Variants in YRDC observed in about 807,000 individuals in gnomAD.
YRDC encodes yrdC N6-threonylcarbamoyltransferase domain containing, also known as threonylcarbamoyl-AMP synthase.
In YRDC, 17 loss-of-function variants were observed where a neutral mutation model predicts 21.5. The observed-to-expected ratio is 0.79, with a 90% CI of 0.54 to 1.19. YRDC has a LOEUF of 1.19. Ranked by LOEUF, YRDC falls within the 50% of genes most tolerant of loss-of-function variation. YRDC has a pLI of 0.00. For missense variants in YRDC, 380 were observed against 397.1 expected (o/e 0.96, Z 0.37); for synonymous variants, 193 against 176.7 (o/e 1.09, Z -0.73).
rs753679420 is a variant in YRDC, at chr1:37,807,823, CG to C, written c.357del (p.Val120TyrfsTer15). On this transcript the variant is annotated frameshift_variant, in exon 1 of 5. Transcript: ENST00000373044. LOFTEE classifies it high-confidence loss of function. ...LKGRSEAKPL[A>X]VCLGRVADVY... is the part of the protein sequence containing the mutation. ...ACGTCGGCCACGCGGCCGAGGCATA[CG>C]GCCAGAGGCTTGGCCTCGCTGCGAC... 3 of 1,509,886 alleles carry C rather than the reference CG, an allele frequency of 2.0e-6. No individual in the cohort carries two copies. The South Asian group carries it at 3.6e-5, about 18-fold the overall frequency. 93.5% of individuals were successfully genotyped at this position (1,509,886 alleles called of 1,614,324 possible).
intron 3 of YRDC, 70 bp from the exon 4 acceptor site, chr1:37,804,514 G>A: frequency 6.5e-7 from 1 of 1,535,988 alleles, no homozygotes; most frequent in Non-Finnish European, 8.8e-7. Context: ...ACTGCACGCA[G>A]TCATCAAAGG....
At chr1:37,805,165 CAGG>C (rs1646726572) in intron 3 of YRDC, among the ~76,000 whole-genome samples, 1 of 152,140 alleles carries the variant, frequency 6.6e-6, no homozygotes, top group African/African-American at 2.4e-5. Flanking sequence ...GAGGCTGAGG[CAGG>C]AGAACTGTTT....
intron 4 of YRDC, 51 bp downstream of exon 4, chr1:37,804,251 C>A: frequency 6.3e-7 from 1 of 1,575,264 alleles, no homozygotes; most frequent in South Asian, 1.1e-5. Context: ...TTTTTTGCAT[C>A]TCTCCAACCT....
intron 4 of YRDC, 144 bp from the exon 5 acceptor site, chr1:37,804,141 A>T: frequency 2.1e-6 from 3 of 1,431,336 alleles, no homozygotes; most frequent in Non-Finnish European, 2.9e-6. Flanking sequence ...AATCCTAAGA[A>T]AGCCAGGAAA....
In YRDC at chr1:37,803,103, T is replaced by C. The variant is rs1569821201; in HGVS notation, c.*822A>G. On this transcript the variant is annotated 3_prime_UTR_variant, in exon 5 of 5. Coordinates refer to ENST00000373044, the MANE Select transcript of YRDC (RefSeq NM_024640.4). The stretch of plus-strand genomic sequence containing the variant: ...AAGGTGTTATGGGTATAATTAACTA[T>C]AATTTATTTTATGAATAAATAAGAA... 2.0e-5 allele frequency: 3 copies of C among 152,244 alleles called. No homozygotes were observed. In the South Asian group the frequency reaches 6.2e-4, roughly 32 times the overall value. 9.4% of individuals were successfully genotyped at this position (152,244 alleles called of 1,614,324 possible).
At position 37,804,006 on chromosome 1, in the gene YRDC, G is replaced by A. The variant is rs1646718854; in HGVS notation, c.768-9C>T. 10 of 1,614,148 alleles carry A rather than the reference G, an allele frequency of 6.2e-6. No individual in the cohort carries two copies. Among genetic ancestry groups the A allele is most frequent in the Non-Finnish European group, 7.6e-6 (9 of 1,179,998 alleles). On this transcript the variant is annotated splice_polypyrimidine_tract_variant and intron_variant, in intron 4 of 4. Coordinates refer to ENST00000373044, the MANE Select transcript of YRDC (RefSeq NM_024640.4). ...TAGTACTTTCCAGGGCACTGAGGAG[G>A]AAACAGGACAGTTACCAGTCTGACT...
chr1:37,807,758 C>A, intron 1 of YRDC, 34 bp downstream of exon 1: 1 of 1,464,898 alleles, frequency 6.8e-7, no homozygotes, highest in Non-Finnish European at 9.0e-7. Context: ...CCCGCGGTGC[C>A]GCCCCTAGCG....
Position 37,804,362 on chromosome 1 carries a change from A to G in YRDC, c.707T>C (p.Leu236Pro). 2 of 1,614,208 alleles carry G rather than the reference A, an allele frequency of 1.2e-6. No individual in the cohort carries two copies. Among genetic ancestry groups the G allele is most frequent in the Non-Finnish European group, 1.7e-6 (2 of 1,180,020 alleles). ...IGDGQSPECRLGSTVVDLSVP... is the reference protein window; with the variant it reads ...IGDGQSPECRPGSTVVDLSVP... Reference sequence around the variant, plus strand: ...AGACAAATCAACCACAGTTGAGCCAAGGCGACACTCGGGGCTCTGGCCATC... The same window carrying G: ...AGACAAATCAACCACAGTTGAGCCAGGGCGACACTCGGGGCTCTGGCCATC... Residue 236 changes from leucine (L) to proline (P), a missense_variant, in exon 4 of 5, where the codon CTT becomes CCT. By Grantham distance (98) the Leu-to-Pro change is moderately conservative. Around this residue, in one of 3 missense-constraint regions of YRDC, gnomAD observed 238 missense variants for 236.5 expected, o/e 1.01. Coordinates refer to ENST00000373044, the MANE Select transcript of YRDC (RefSeq NM_024640.4).
rs1452640400 is a variant in YRDC, at chr1:37,807,852, T to G, written c.329A>C (p.Lys110Thr). 2.0e-6 allele frequency: 3 copies of G among 1,505,232 alleles called. No individual in the cohort carries two copies. The highest frequency in any genetic ancestry group is 2.7e-6 in the Non-Finnish European group (3 of 1,131,386). 93.2% of individuals were successfully genotyped at this position (1,505,232 alleles called of 1,614,324 possible). Residue 110 changes from lysine (K) to threonine (T), a missense_variant, in exon 1 of 5, where the codon AAG (lysine) becomes ACG (threonine). By Grantham distance (78) the Lys-to-Thr change is moderately conservative. Transcript: ENST00000373044. ...SAALRAVYRLKGRSEAKPLAV... is the reference protein window; with the variant it reads ...SAALRAVYRLTGRSEAKPLAV... ...CAGAGGCTTGGCCTCGCTGCGACCC[T>G]TGAGGCGGTACACAGCGCGCAGAGC...
chr1:37,804,417 A>G lies in YRDC; in HGVS notation c.652T>C (p.Ser218Pro). Residue 218 changes from serine to proline, a missense_variant, in exon 4 of 5, where the codon TCC becomes CCC. Coordinates refer to ENST00000373044, the MANE Select transcript of YRDC (RefSeq NM_024640.4). ...EEFQDLWPQL[S>P]LVIDGGQIGD... Reference sequence around the variant, plus strand: ...ATTTGTCCCCCATCAATAACCAAGGACAACTGAGGCCAGAGATCCTGGAAC... The same window carrying G: ...ATTTGTCCCCCATCAATAACCAAGGGCAACTGAGGCCAGAGATCCTGGAAC... 1 of 1,613,856 alleles carries G rather than the reference A, an allele frequency of 6.2e-7. No homozygotes were observed. The highest frequency in any genetic ancestry group is 8.5e-7 in the Non-Finnish European group (1 of 1,179,742).
Position 37,808,133 on chromosome 1 carries a change from G to A in YRDC, c.48C>T (p.Ala16=). 6.8e-7 allele frequency: 1 copy of A among 1,469,866 alleles called. No homozygotes were observed. The highest frequency in any genetic ancestry group is 8.9e-7 in the Non-Finnish European group (1 of 1,117,412). The allele number at this position is 1,469,866 out of a possible 1,614,324, so 91.1% of individuals were successfully genotyped here. A position where few individuals can be genotyped will look rare whatever the true frequency, so the allele number is the denominator to read the frequency against. ...CAGGCCCCTCGCTCAACCCCACGCT[G>A]GCAGCCACCGCGGCCCTCATCCCCC... ...RCRGMRAAVA[A]SVGLSEGPAG... The change falls in exon 1 of 5, where the codon GCC becomes GCT. Residue 16 remains alanine (A), a synonymous_variant. Coordinates refer to ENST00000373044, the MANE Select transcript of YRDC (RefSeq NM_024640.4).
chr1:37,806,325 C>G (rs180912264), intron 3 of YRDC, among the ~76,000 whole-genome samples: 5 of 152,234 alleles, frequency 3.3e-5, no homozygotes, highest in Non-Finnish European at 7.4e-5. Flanking sequence ...CTCAGCCTCC[C>G]AAGTAGCTGG....
At chr1:37,804,136 T>A (rs1302774333) in intron 4 of YRDC, 139 bp from the exon 5 acceptor site, 2 of 1,433,500 alleles carry the variant, frequency 1.4e-6, no homozygotes, top group East Asian at 4.6e-5. Context: ...TTTTGAATCC[T>A]AAGAAAGCCA....
At position 37,807,217 on chromosome 1, in the gene YRDC, T is replaced by C; in HGVS notation, c.390-2A>G. 2 of 1,613,470 alleles carry C rather than the reference T, an allele frequency of 1.2e-6. No homozygotes were observed. The highest frequency in any genetic ancestry group is 2.2e-5 in the South Asian group (2 of 91,062). The stretch of plus-strand genomic sequence containing the variant: ...TCAGGTACTCTCACACGGCAGTATC[T>C]GGGAAACACAGAAGAATAAATCCAT... On this transcript the variant is annotated splice_acceptor_variant, in intron 1 of 4. Transcript: ENST00000373044. LOFTEE classifies it high-confidence loss of function.
rs1325418978 is a variant in YRDC at position 37,803,982 on chromosome 1, A to G, written c.783T>C (p.Thr261=). ...CGTACTTCTGTTGGAGGATGGCTGT[A>G]GTACTTTCCAGGGCACTGAGGAGGA... is the stretch of plus-strand genomic sequence containing the variant. ...IIRPGCALES[T]TAILQQKYGL... Residue 261 remains threonine, a synonymous_variant, in exon 5 of 5, where the codon ACT becomes ACC. Coordinates refer to ENST00000373044, the MANE Select transcript of YRDC (RefSeq NM_024640.4). 2.5e-6 allele frequency: 4 copies of G among 1,614,078 alleles called. No homozygotes were observed. The highest frequency in any genetic ancestry group is 2.7e-5 in the African/African-American group (2 of 74,922).
chr1:37,805,271 C>CA (rs200159023), intron 3 of YRDC, among the ~76,000 whole-genome samples: 17 of 151,220 alleles, frequency 1.1e-4, no homozygotes, highest in East Asian at 3.9e-4. Flanking sequence ...CAAAACAAAA[C>CA]AAAAAAAAAC....
chr1:37,804,729 A>G (rs1049581622), intron 3 of YRDC, among the ~76,000 whole-genome samples: 19 of 152,230 alleles, frequency 1.2e-4, no homozygotes, highest in Non-Finnish European at 1.9e-4. Context: ...TTAGGGAAAT[A>G]TAAGTACAAT....
chr1:37,807,641 G>T (rs949730595), intron 1 of YRDC, 151 bp downstream of exon 1: 1 of 1,323,210 alleles, frequency 7.6e-7, no homozygotes, highest in Non-Finnish European at 9.8e-7. Context: ...CCCGGGGCAC[G>T]TTAAGTCCTC....
chr1:37,807,744 C>G, intron 1 of YRDC, 48 bp downstream of exon 1: 2 of 1,431,024 alleles, frequency 1.4e-6, no homozygotes. Flanking sequence ...CACCGGAAAC[C>G]CCTCCCGCGG....
Sources: allele counts gnomAD v4.1 joint callset (sites outside exome capture counted in the v4.1 genomes callset), GRCh38; gene constraint gnomAD v4.1.1; regional missense constraint gnomAD v4.1.1; transcripts MANE v1.5; gene names NCBI Gene and HGNC (gene_info 2026-07-23, HGNC 2026-07-21).